PRKG1: variants seen among roughly 807,000 people sequenced by gnomAD.
The protein encoded by PRKG1 is protein kinase cGMP-dependent 1.
A neutral mutation model predicts 88.1 loss-of-function variants in PRKG1; 35 were observed. The observed-to-expected ratio is 0.40, with a 90% CI of 0.30 to 0.53. The LOEUF (loss-of-function observed/expected upper bound fraction) is 0.53, where lower values mean the gene tolerates loss of function less well. PRKG1 is among the 20% of genes least tolerant of loss of function. The probability of loss-of-function intolerance (pLI) is 0.59; values close to 1 mark genes in which losing one functional copy is unlikely to be tolerated. For synonymous variants in PRKG1, 303 were observed against 292.5 expected, an observed-to-expected ratio of 1.04 and a Z score of -0.37; for missense variants, 540 against 839.8, an observed-to-expected ratio of 0.64 and a Z score of 4.41.
At chr10:51,916,971 A>G (rs1168565427) in intron 5 of PRKG1, among the ~76,000 whole-genome samples, 2 of 152,174 alleles carry the variant, frequency 1.3e-5, no homozygotes, top group African/African-American at 2.4e-5. Flanking sequence ...AGACAAATCT[A>G]TATATAGAGA....
intron 3 of PRKG1, among the ~76,000 whole-genome samples, chr10:51,755,778 A>C (rs1837843945): frequency 6.6e-6 from 1 of 152,230 alleles, no homozygotes; most frequent in Non-Finnish European, 1.5e-5. Context: ...TCCTGTGTAC[A>C]GAATCTTAAA....
At chr10:52,215,646 G>A (rs183861226) in intron 9 of PRKG1, among the ~76,000 whole-genome samples, 126 of 152,170 alleles carry the variant, frequency 8.3e-4, no homozygotes, top group African/African-American at 2.8e-3. Context: ...ATTTCCTTGT[G>A]AAAATTTCAA....
chr10:52,056,930 A>G (rs1369265268), intron 6 of PRKG1, among the ~76,000 whole-genome samples: 1 of 152,130 alleles, frequency 6.6e-6, no homozygotes, highest in East Asian at 1.9e-4. Flanking sequence ...AGAGCAGGAA[A>G]GAGAGGTGAA....
intron 2 of PRKG1, among the ~76,000 whole-genome samples, chr10:51,176,502 C>G (rs9415773): frequency 0.066 from 10,012 of 152,046 alleles, 693 homozygotes; most frequent in African/African-American, 0.17. Context: ...ATAAATGTAC[C>G]TAGTACTGTG....
At chr10:51,821,228 A>G (rs1291171284) in intron 4 of PRKG1, among the ~76,000 whole-genome samples, 1 of 152,074 alleles carries the variant, frequency 6.6e-6, no homozygotes, top group East Asian at 1.9e-4. Flanking sequence ...ATATGCCACC[A>G]TTTGTTTATT....
At chr10:52,226,026 A>ATTT (rs71680568) in intron 9 of PRKG1, among the ~76,000 whole-genome samples, 30 of 134,378 alleles carry the variant, frequency 2.2e-4, no homozygotes, top group African/African-American at 7.5e-4. Context: ...ATGAGGGTTG[A>ATTT]TTTTTTTTTT....
intron 9 of PRKG1, among the ~76,000 whole-genome samples, chr10:52,166,997 A>G (rs565013973): frequency 2.1e-4 from 32 of 151,782 alleles, no homozygotes; most frequent in African/African-American, 7.7e-4. Context: ...TTGGTGTTTT[A>G]CAGTTGTACT....
intron 3 of PRKG1, among the ~76,000 whole-genome samples, chr10:51,676,875 A>G (rs1159482856): frequency 6.6e-6 from 1 of 152,224 alleles, no homozygotes; most frequent in Non-Finnish European, 1.5e-5. Context: ...TCATCCTGAA[A>G]GAAATGAGCT....
intron 3 of PRKG1, among the ~76,000 whole-genome samples, chr10:51,779,562 CAT>C (rs1480111079): frequency 2.6e-5 from 4 of 152,068 alleles, no homozygotes; most frequent in Non-Finnish European, 5.9e-5. Context: ...AGCCAAAAAT[CAT>C]ATGATAAAAT....
At chr10:51,567,446 A>C (rs1430729876) in intron 3 of PRKG1, among the ~76,000 whole-genome samples, 2 of 152,096 alleles carry the variant, frequency 1.3e-5, no homozygotes, top group East Asian at 3.9e-4. Context: ...AATTTTGTAC[A>C]TCAGGGCATT....
intron 3 of PRKG1, among the ~76,000 whole-genome samples, chr10:51,578,980 GTTTTTTTT>G (rs752412264): frequency 1.7e-4 from 13 of 77,826 alleles, no homozygotes; most frequent in African/African-American, 5.3e-4. Context: ...AGTTCTGTTG[GTTTTTTTT>G]TTTTTTTTTT....
intron 2 of PRKG1, among the ~76,000 whole-genome samples, chr10:51,415,004 A>T (rs1382749220): frequency 6.6e-6 from 1 of 152,202 alleles, no homozygotes; most frequent in African/African-American, 2.4e-5. Context: ...TAAGGGCTTC[A>T]CATGTATTAA....
At chr10:51,117,501 G>T (rs564401550) in intron 1 of PRKG1, among the ~76,000 whole-genome samples, 1 of 152,188 alleles carries the variant, frequency 6.6e-6, no homozygotes, top group Non-Finnish European at 1.5e-5. Context: ...ATGTTGCTAC[G>T]CACTTCATGG....
chr10:51,169,588 A>T (rs1474952269), intron 2 of PRKG1, among the ~76,000 whole-genome samples: 1 of 152,192 alleles, frequency 6.6e-6, no homozygotes, highest in Non-Finnish European at 1.5e-5. Context: ...ACTCCAACAC[A>T]TACGACATTA....
intron 2 of PRKG1, among the ~76,000 whole-genome samples, chr10:51,393,837 T>C (rs1158769822): frequency 6.6e-6 from 1 of 152,228 alleles, no homozygotes; most frequent in Non-Finnish European, 1.5e-5. Flanking sequence ...TATTTCATCT[T>C]GAAATGATCT....
chr10:51,883,375 C>T (rs1841483799), intron 4 of PRKG1, among the ~76,000 whole-genome samples: 1 of 152,148 alleles, frequency 6.6e-6, no homozygotes, highest in Non-Finnish European at 1.5e-5. Flanking sequence ...TCTGTATAGA[C>T]AAATATAGAT....
intron 1 of PRKG1, among the ~76,000 whole-genome samples, chr10:51,146,126 T>C (rs775413929): frequency 6.6e-6 from 1 of 151,932 alleles, no homozygotes; most frequent in Non-Finnish European, 1.5e-5. Flanking sequence ...GAGGCGGAGC[T>C]TGCAGTGAGT....
intron 2 of PRKG1, among the ~76,000 whole-genome samples, chr10:51,286,739 A>G (rs1229020891): frequency 6.6e-6 from 1 of 152,242 alleles, no homozygotes; most frequent in African/African-American, 2.4e-5. Flanking sequence ...TACATAATAT[A>G]TTATTGTTGA....
intron 5 of PRKG1, among the ~76,000 whole-genome samples, chr10:52,008,508 C>G (rs1844798156): frequency 6.6e-6 from 1 of 152,052 alleles, no homozygotes; most frequent in South Asian, 2.1e-4. Context: ...TGTGTTCACA[C>G]AAGCTAGAAA....
Sources: allele counts gnomAD v4.1 joint callset (sites outside exome capture counted in the v4.1 genomes callset), GRCh38; gene constraint gnomAD v4.1.1; transcripts MANE v1.5; gene names NCBI Gene and HGNC (gene_info 2026-07-23, HGNC 2026-07-21).